EXO1: variants seen among roughly 807,000 people sequenced by gnomAD.
EXO1 encodes exonuclease 1.
EXO1 carries 69 observed loss-of-function variants against 84.5 expected under a neutral mutation model. That is an observed-to-expected ratio of 0.82 (90% CI 0.67 to 1.00). The LOEUF is 1.00. Among genes scored for constraint, EXO1 ranks in the 50% least tolerant of loss-of-function variants. EXO1 has a pLI of 0.00. For synonymous variants in EXO1, 373 were observed against 366.1 expected (o/e 1.02, Z -0.21); for missense variants, 1,045 against 1,000.7 (o/e 1.04, Z -0.60).
chr1:241,873,225 TC>T (rs773240535), intron 12 of EXO1, among the ~76,000 whole-genome samples: 66 of 151,954 alleles, frequency 4.3e-4, no homozygotes, highest in Admixed American at 1.8e-3. Context: ...CCCTCCTCCC[TC>T]CCCCCAATTG....
At chr1:241,878,704 A>G (rs1261377738) in intron 12 of EXO1, 45 bp from the exon 13 acceptor site, 9 of 1,256,806 alleles carry the variant, frequency 7.2e-6, no homozygotes, top group Non-Finnish European at 1.0e-5. Flanking sequence ...AGAAAACTCT[A>G]AAATACTCAT....
intron 3 of EXO1, among the ~76,000 whole-genome samples, chr1:241,849,806 C>T (rs1660551160): frequency 6.6e-6 from 1 of 152,146 alleles, no homozygotes. Context: ...GTGCCTGGCT[C>T]CTTGAAGCAT....
chr1:241,868,444 T>C (rs1288077461), intron 11 of EXO1, among the ~76,000 whole-genome samples: 1 of 151,710 alleles, frequency 6.6e-6, no homozygotes, highest in African/African-American at 2.4e-5. Context: ...GCAGCTTCTC[T>C]GCTCAAAGGG....
chr1:241,886,575 A>G (rs1663082290), intron 15 of EXO1, among the ~76,000 whole-genome samples: 1 of 152,236 alleles, frequency 6.6e-6, no homozygotes, highest in African/African-American at 2.4e-5. Context: ...TGTAAAGTCT[A>G]GGATTAAACC....
intron 14 of EXO1, among the ~76,000 whole-genome samples, chr1:241,882,425 C>G (rs187912542): frequency 7.2e-5 from 11 of 152,112 alleles, no homozygotes; most frequent in African/African-American, 2.4e-4. Context: ...TTACTGGTCC[C>G]AAGGCATGTA....
Position 241,848,330 on chromosome 1 carries a change from A to C in EXO1, c.-443A>C, listed in dbSNP as rs1459525227. On this transcript the variant is annotated 5_prime_UTR_variant, in exon 1 of 16. Coordinates refer to ENST00000366548, the MANE Select transcript of EXO1 (RefSeq NM_130398.4). The surrounding 1 kb of genome is among the most constrained non-coding windows in gnomAD (Gnocchi z 4.2). ...ACCGCAATCGGCTCCGCTCAAGGGG[A>C]GGAGGAGAGTCCCTTCTCGGAAGGT... is the stretch of plus-strand genomic sequence containing the variant. 1 of 152,236 alleles carries C rather than the reference A, an allele frequency of 6.6e-6. No individual in the cohort carries two copies. Among genetic ancestry groups the C allele is most frequent in the Non-Finnish European group, 1.5e-5 (1 of 68,192 alleles). The allele number at this position is 152,236 out of a possible 1,614,324, so 9.4% of individuals were successfully genotyped here.
chr1:241,859,471 C>T (rs997514867), intron 8 of EXO1, among the ~76,000 whole-genome samples: 1 of 152,098 alleles, frequency 6.6e-6, no homozygotes, highest in South Asian at 2.1e-4. Context: ...ATAAAATTAC[C>T]TTCAGTCTAT....
intron 6 of EXO1, among the ~76,000 whole-genome samples, chr1:241,855,801 T>C (rs1426554307): frequency 2.0e-5 from 3 of 152,172 alleles, no homozygotes; most frequent in Admixed American, 6.5e-5. Flanking sequence ...ACCCAGTACA[T>C]CCTCCGCAGC....
chr1:241,867,772 A>G (rs1447303188), intron 11 of EXO1, among the ~76,000 whole-genome samples: 1 of 152,100 alleles, frequency 6.6e-6, no homozygotes, highest in Non-Finnish European at 1.5e-5. Flanking sequence ...ATTCTATACC[A>G]TTGCTCTCCT....
chr1:241,877,895 C>T (rs887269276), intron 12 of EXO1, among the ~76,000 whole-genome samples: 2 of 152,076 alleles, frequency 1.3e-5, no homozygotes, highest in African/African-American at 4.8e-5. Context: ...TGATATAATG[C>T]TAGGAACAAA....
At chr1:241,855,153 A>G (rs185804220) in intron 6 of EXO1, among the ~76,000 whole-genome samples, 1 of 152,188 alleles carries the variant, frequency 6.6e-6, no homozygotes. Context: ...TGGGGCAGCC[A>G]GCTTTTATTC....
At chr1:241,874,936 A>G (rs1558139591) in intron 12 of EXO1, among the ~76,000 whole-genome samples, 1 of 152,196 alleles carries the variant, frequency 6.6e-6, no homozygotes, top group South Asian at 2.1e-4. Context: ...GAGAAAAGTT[A>G]CCAGCTCCTG....
intron 14 of EXO1, 42 bp from the exon 15 acceptor site, chr1:241,885,272 T>C: frequency 7.7e-7 from 1 of 1,300,670 alleles, no homozygotes. Flanking sequence ...TAAAGTTAGT[T>C]GCTTTAACAG....
chr1:241,850,195 G>A (rs1660577967), intron 3 of EXO1, among the ~76,000 whole-genome samples: 1 of 152,044 alleles, frequency 6.6e-6, no homozygotes, highest in Admixed American at 6.6e-5. Flanking sequence ...GCAGGAGAAT[G>A]GCGTGAACCC....
rs963947369 is a variant in EXO1, at chr1:241,853,429, G to A, written c.353G>A (p.Cys118Tyr). The A allele has an allele frequency of 1.2e-6, 2 of 1,613,832 alleles. No homozygotes were observed. Among genetic ancestry groups the A allele is most frequent in the African/African-American group, 2.7e-5 (2 of 74,866 alleles). ...GGGAAAGTCTCGGAAGCTCGAGAGT[G>A]TTTCACCCGGTCTATCAATATCACA... The part of the protein sequence containing the change: ...REGKVSEARE[C>Y]FTRSINITHA... The change falls in exon 6 of 16, where the codon TGT becomes TAT. Residue 118 changes from cysteine to tyrosine, a missense_variant. Transcript: ENST00000366548.
chr1:241,850,236 G>A (rs1660582677), intron 3 of EXO1, among the ~76,000 whole-genome samples, 173 bp from the exon 4 acceptor site: 1 of 151,902 alleles, frequency 6.6e-6, no homozygotes, highest in African/African-American at 2.4e-5. Context: ...AGCCGATATA[G>A]GCCACTGCAG....
At position 241,889,778 on chromosome 1, in the gene EXO1, T is replaced by G; in HGVS notation, c.*178T>G. On this transcript the variant is annotated 3_prime_UTR_variant, in exon 16 of 16. Transcript: ENST00000366548. Reference sequence around the variant, plus strand: ...GGTTGTGGTTTTTTTGCTCAGCTTTTTATATTTTTATAAGAAGCTAAATAG... The same window carrying G: ...GGTTGTGGTTTTTTTGCTCAGCTTTGTATATTTTTATAAGAAGCTAAATAG... The G allele has an allele frequency of 1.6e-6, 1 of 629,458 alleles. No individual in the cohort carries two copies. The highest frequency in any genetic ancestry group is 2.8e-6 in the Non-Finnish European group (1 of 359,958). 39.0% of individuals were successfully genotyped at this position (629,458 alleles called of 1,614,324 possible).
Position 241,848,585 on chromosome 1 carries a change from AAG to A in EXO1, c.-419-141_-419-140del. 6.6e-6 allele frequency: 1 copy of A among 152,350 alleles called. No individual in the cohort carries two copies. Among genetic ancestry groups the A allele is most frequent in the Middle Eastern group, 3.4e-3 (1 of 296 alleles). 9.4% of individuals were successfully genotyped at this position (152,350 alleles called of 1,614,324 possible). ...TGCAGTTCAGTGAACGGAGGGAGAT[AAG>A]AGAGCAGACGATTCCGGGCTGGAGC... is the stretch of plus-strand genomic sequence containing the variant. On this transcript the variant is annotated intron_variant, in intron 1 of 15. Coordinates refer to ENST00000366548, the MANE Select transcript of EXO1 (RefSeq NM_130398.4). This position sits in a 1 kb window ranked among gnomAD's most constrained non-coding sequence, Gnocchi z 4.2.
In EXO1 at chr1:241,872,354, G is replaced by T. The variant is rs4149968; in HGVS notation, c.1514+76G>T. The T allele has an allele frequency of 6.7e-4, 1,005 of 1,496,360 alleles. 7 individuals are homozygous for T. The African/African-American group carries it at 0.013, about 19-fold the overall frequency. The allele number at this position is 1,496,360 out of a possible 1,614,324, so 92.7% of individuals were successfully genotyped here. On this transcript the variant is annotated intron_variant, in intron 12 of 15. Transcript: ENST00000366548. ...TTGGTATTTATTTTGTCTTTTTTTA[G>T]AATTAATTTATTTATTATACTTTAA...
Sources: gnomAD v4.1 joint callset for allele counts (sites outside exome capture counted in the v4.1 genomes callset) on GRCh38, gnomAD v4.1.1 for gene constraint, Gnocchi (gnomAD v3.1) non-coding constraint, MANE v1.5 for transcripts, NCBI Gene and HGNC (gene_info 2026-07-23, HGNC 2026-07-21) for gene names.